Variants in SBF2 observed in about 807,000 individuals in gnomAD.
The protein encoded by SBF2 is SET binding factor 2, also known as myotubularin-related protein 13.
SBF2 carries 112 observed loss-of-function variants against 225.2 expected under a neutral mutation model. The ratio of observed to expected loss-of-function variants is 0.50; its 90% CI spans 0.43 to 0.58. The LOEUF (loss-of-function observed/expected upper bound fraction) is 0.58. Among genes scored for constraint, SBF2 ranks in the 20% least tolerant of loss-of-function variants. The pLI, the probability that SBF2 is intolerant of heterozygous loss-of-function variation, is 0.00. For missense variants in SBF2, 1,996 were observed against 2,206.2 expected (o/e 0.90, Z 1.91); for synonymous variants, 763 against 773.3 (o/e 0.99, Z 0.22).
intron 16 of SBF2, chr11:9,958,992 G>A: frequency 1.2e-6 from 1 of 869,026 alleles, no homozygotes; most frequent in Non-Finnish European, 1.9e-6. Context: ...GTTTCTTGAT[G>A]GCCTCCTCAA....
chr11:9,809,544 A>T lies in SBF2; in HGVS notation c.4156-542T>A, dbSNP rs566147148. 5.8e-4 allele frequency among the ~76,000 whole-genome samples: 79 copies of T among 136,330 alleles called. No homozygotes were observed. The East Asian group carries it at 0.012, about 20-fold the overall frequency. 89.4% of individuals were successfully genotyped at this position (136,330 alleles called of 152,430 possible). ...TGATGTAGTAAGTTTTGTTTCAGAC[A>T]TTTTTTTTTTTTTTTTTTGAGACAA... On this transcript the variant is annotated intron_variant, in intron 30 of 39. Coordinates refer to ENST00000256190, the MANE Select transcript of SBF2 (RefSeq NM_030962.4).
chr11:10,130,219 G>A (rs368824781), intron 2 of SBF2, among the ~76,000 whole-genome samples: 14 of 151,918 alleles, frequency 9.2e-5, no homozygotes, highest in African/African-American at 3.4e-4. Context: ...ACAATTAGCC[G>A]GGTGTGGTGG....
intron 4 of SBF2, 42 bp downstream of exon 4, chr11:10,031,006 C>T (rs1416612584): frequency 3.9e-6 from 6 of 1,536,656 alleles, no homozygotes; most frequent in African/African-American, 1.4e-5. Context: ...AAGAGACTCA[C>T]ACAATAATAC....
chr11:9,998,358 A>T lies in SBF2; in HGVS notation c.883T>A (p.Leu295Met), dbSNP rs1025057775. ...HELLDVIIAD[L>M]DGGTIKIPEC... The stretch of plus-strand genomic sequence containing the variant: ...GGAATTTTAATAGTGCCTCCATCCA[A>T]ATCTGCTATGATTACATCTAACTGA... The change falls in exon 9 of 40, where the codon TTG becomes ATG. Residue 295 changes from leucine (L) to methionine (M), a missense_variant. By Grantham distance (15) the Leu-to-Met change is conservative. Transcript: ENST00000256190. 1.3e-6 allele frequency: 2 copies of T among 1,596,892 alleles called. No homozygotes were observed. The highest frequency in any genetic ancestry group is 4.5e-5 in the East Asian group (2 of 44,762).
chr11:10,015,331 A>G (rs1338797827), intron 6 of SBF2, among the ~76,000 whole-genome samples: 1 of 152,172 alleles, frequency 6.6e-6, no homozygotes, highest in Admixed American at 6.5e-5. Context: ...CTGTGGATGT[A>G]TTAGTTTTCT....
chr11:9,830,012 A>G (rs565325470), intron 27 of SBF2, among the ~76,000 whole-genome samples: 70 of 152,336 alleles, frequency 4.6e-4, no homozygotes, highest in African/African-American at 1.6e-3. Context: ...ATGAGCCTAT[A>G]AAGATTTGTA....
intron 1 of SBF2, among the ~76,000 whole-genome samples, chr11:10,222,139 A>G (rs960477080): frequency 2.0e-5 from 3 of 152,208 alleles, no homozygotes; most frequent in African/African-American, 7.2e-5. Context: ...TTGTCCCATC[A>G]TGTTAACTGC....
chr11:9,883,548 G>A (rs1860004403), intron 17 of SBF2, among the ~76,000 whole-genome samples: 1 of 152,146 alleles, frequency 6.6e-6, no homozygotes, highest in South Asian at 2.1e-4. Context: ...TGTATGTGAA[G>A]TGTTTAGCAT....
rs1412511718 is a variant in SBF2 at position 10,253,045 on chromosome 11, A to G, written c.55+40970T>C. Among the ~76,000 whole-genome samples the G allele has an allele frequency of 2.7e-5, 4 of 149,280 alleles. No homozygotes were observed. In the Admixed American group the frequency reaches 2.8e-4, roughly 10 times the overall value. On this transcript the variant is annotated intron_variant, in intron 1 of 39. Coordinates refer to ENST00000256190, the MANE Select transcript of SBF2 (RefSeq NM_030962.4). ...GCTCAATTAAACTCCTTTAGATTTA[A>G]TTCAGCTTAAGTTTTAACATGGGAA...
chr11:9,787,617 G>A lies in SBF2; in HGVS notation c.5037+17C>T, dbSNP rs751395957. The A allele has an allele frequency of 1.2e-6, 2 of 1,604,676 alleles. No homozygotes were observed. The highest frequency in any genetic ancestry group is 1.7e-4 in the Middle Eastern group (1 of 6,060). On this transcript the variant is annotated intron_variant, in intron 36 of 39. Coordinates refer to ENST00000256190, the MANE Select transcript of SBF2 (RefSeq NM_030962.4). ...AGAAAGCTCAGAAGTGGCTCTCAAG[G>A]GGCATTGCCAACTCACGCGATCTGT...
chr11:9,834,246 C>T (rs1486831478), intron 26 of SBF2, among the ~76,000 whole-genome samples: 1 of 152,022 alleles, frequency 6.6e-6, no homozygotes, highest in East Asian at 1.9e-4. Flanking sequence ...ACATGTGCCA[C>T]CACACCTGGC....
In SBF2 at chr11:10,245,133, CAAAAAAAAA is replaced by C. The variant is rs60827616; in HGVS notation, c.55+48873_55+48881del. On this transcript the variant is annotated intron_variant, in intron 1 of 39. Coordinates refer to ENST00000256190, the MANE Select transcript of SBF2 (RefSeq NM_030962.4). Reference sequence around the variant, plus strand: ...TGGGCAACGGAGTGAGACCCTGTCTCAAAAAAAAAAAAAAAAAAAATTAAAATGGGCAAA... The same window carrying C: ...TGGGCAACGGAGTGAGACCCTGTCTCAAAAAAAAAAATTAAAATGGGCAAA... Among the ~76,000 whole-genome samples, 4 of 92,534 alleles carry C rather than the reference CAAAAAAAAA, an allele frequency of 4.3e-5. No homozygotes were observed. In the Admixed American group the frequency reaches 5.1e-4, roughly 12 times the overall value. The allele number at this position is 92,534 out of a possible 152,430, so 60.7% of individuals were successfully genotyped here. A position where few individuals can be genotyped will look rare whatever the true frequency, so the allele number is the denominator to read the frequency against.
At chr11:10,242,504 A>G (rs752015230) in intron 1 of SBF2, among the ~76,000 whole-genome samples, 1 of 152,188 alleles carries the variant, frequency 6.6e-6, no homozygotes, top group Non-Finnish European at 1.5e-5. Flanking sequence ...CTTATCTATC[A>G]ATCACGTTAA....
intron 9 of SBF2, among the ~76,000 whole-genome samples, chr11:9,996,418 C>A (rs777345602): frequency 2.0e-5 from 3 of 152,090 alleles, no homozygotes; most frequent in Non-Finnish European, 4.4e-5. Context: ...GAGATGGAGT[C>A]GAGCTCTGTC....
chr11:10,134,287 T>G (rs2135112076), intron 2 of SBF2, among the ~76,000 whole-genome samples: 2 of 152,232 alleles, frequency 1.3e-5, no homozygotes, highest in South Asian at 4.1e-4. Flanking sequence ...GTCCCTCCCA[T>G]GACACATGGC....
intron 16 of SBF2, among the ~76,000 whole-genome samples, chr11:9,936,877 C>T (rs1312789359): frequency 6.6e-6 from 1 of 152,096 alleles, no homozygotes; most frequent in Non-Finnish European, 1.5e-5. Flanking sequence ...TTGCAGCAAA[C>T]CAACATGGCA....
At chr11:9,936,171 A>T (rs1460940238) in intron 16 of SBF2, among the ~76,000 whole-genome samples, 1 of 152,220 alleles carries the variant, frequency 6.6e-6, no homozygotes, top group Admixed American at 6.5e-5. Context: ...TCAAAAGAAG[A>T]CGTTTATGCA....
chr11:10,186,116 A>G (rs2135304129), intron 2 of SBF2, among the ~76,000 whole-genome samples: 1 of 152,306 alleles, frequency 6.6e-6, no homozygotes, highest in South Asian at 2.1e-4. Flanking sequence ...GTATTAGAAA[A>G]AGATATTTAT....
At chr11:9,945,703 G>T (rs1865521553) in intron 16 of SBF2, among the ~76,000 whole-genome samples, 1 of 152,032 alleles carries the variant, frequency 6.6e-6, no homozygotes, top group Non-Finnish European at 1.5e-5. Context: ...TCTGACAAAG[G>T]TCTAATATTG....
Sources: allele counts gnomAD v4.1 joint callset (sites outside exome capture counted in the v4.1 genomes callset), GRCh38; gene constraint gnomAD v4.1.1; transcripts MANE v1.5; gene names NCBI Gene and HGNC (gene_info 2026-07-23, HGNC 2026-07-21).